The following MACROD2 variants were observed in gnomAD, a reference collection of about 807,000 sequenced individuals.
MACROD2 encodes mono-ADP ribosylhydrolase 2.
A neutral mutation model predicts 70.4 loss-of-function variants in MACROD2; 36 were observed. The ratio of observed to expected loss-of-function variants is 0.51; its 90% CI spans 0.39 to 0.68. The LOEUF (loss-of-function observed/expected upper bound fraction) is 0.68, where lower values mean the gene tolerates loss of function less well. MACROD2 is among the 30% of genes least tolerant of loss of function. The pLI is 0.00. For synonymous variants in MACROD2, 172 were observed against 178.8 expected (o/e 0.96, Z 0.30); for missense variants, 496 against 538.4 (o/e 0.92, Z 0.78).
chr20:14,840,250 C>G (rs571028735), intron 5 of MACROD2, among the ~76,000 whole-genome samples: 26 of 152,208 alleles, frequency 1.7e-4, no homozygotes, highest in South Asian at 8.3e-4. Context: ...GTTGGCCAGG[C>G]TGGTCTTGAG....
intron 8 of MACROD2, among the ~76,000 whole-genome samples, chr20:15,849,332 C>G (rs2064270542): frequency 6.6e-6 from 1 of 152,162 alleles, no homozygotes; most frequent in Non-Finnish European, 1.5e-5. Context: ...CTTTTGTCCT[C>G]ACAAAAATGC....
chr20:14,702,385 G>T (rs539998522), intron 5 of MACROD2, among the ~76,000 whole-genome samples: 1 of 151,268 alleles, frequency 6.6e-6, no homozygotes, highest in Non-Finnish European at 1.5e-5. Flanking sequence ...CTTAAGAGCA[G>T]AATGTAAATC....
At chr20:15,273,560 CT>C (rs1392921621) in intron 6 of MACROD2, among the ~76,000 whole-genome samples, 1 of 152,058 alleles carries the variant, frequency 6.6e-6, no homozygotes, top group African/African-American at 2.4e-5. Context: ...ATGAGTTTGG[CT>C]TTTTAAGAAA....
intron 9 of MACROD2, among the ~76,000 whole-genome samples, chr20:15,870,314 A>G (rs1034590760): frequency 2.0e-5 from 3 of 151,744 alleles, no homozygotes; most frequent in Non-Finnish European, 4.4e-5. Context: ...GTTTCTGGAG[A>G]ACAGAAATTA....
At chr20:14,633,022 G>T (rs1984596054) in intron 4 of MACROD2, among the ~76,000 whole-genome samples, 1 of 152,216 alleles carries the variant, frequency 6.6e-6, no homozygotes, top group Non-Finnish European at 1.5e-5. Context: ...CAGTGTCGCG[G>T]TGTGGAAGTC....
intron 5 of MACROD2, among the ~76,000 whole-genome samples, chr20:15,057,489 G>A (rs991770261): frequency 1.3e-5 from 2 of 152,178 alleles, no homozygotes; most frequent in African/African-American, 2.4e-5. Context: ...TGCATCTCAA[G>A]GGTTGGCCAA....
chr20:14,252,343 A>G (rs2082020199), intron 3 of MACROD2, among the ~76,000 whole-genome samples: 1 of 152,000 alleles, frequency 6.6e-6, no homozygotes, highest in Non-Finnish European at 1.5e-5. Flanking sequence ...GGGATCAGAA[A>G]AATTTTGGAG....
intron 6 of MACROD2, among the ~76,000 whole-genome samples, chr20:15,242,463 C>T (rs916604375): frequency 1.3e-5 from 2 of 152,088 alleles, no homozygotes; most frequent in Admixed American, 1.3e-4. Context: ...AGAATTTCTG[C>T]ATCTATATTC....
In MACROD2 at chr20:14,478,562, A is replaced by G. The variant is rs530044614; in HGVS notation, c.272-14917A>G. On this transcript the variant is annotated intron_variant, in intron 3 of 17. Coordinates refer to ENST00000684519, the MANE Select transcript of MACROD2 (RefSeq NM_001351661.2). ...TCTTATCTTATTTGGGGTTCACTTC[A>G]TGAATCTGTTGGTCTATCTCTTTCA... Among the ~76,000 whole-genome samples the G allele has an allele frequency of 2.0e-5, 3 of 152,220 alleles. No homozygotes were observed. The South Asian group carries it at 6.2e-4, about 32-fold the overall frequency.
chr20:14,085,763 T>C (rs1195614446), intron 3 of MACROD2, 35 bp downstream of exon 3: 6 of 1,237,994 alleles, frequency 4.8e-6, no homozygotes, highest in Non-Finnish European at 6.5e-6. Flanking sequence ...GTGTTTGTTA[T>C]GTAAGTATTA....
intron 12 of MACROD2, among the ~76,000 whole-genome samples, chr20:15,950,842 C>T (rs2065893644): frequency 6.6e-6 from 1 of 152,160 alleles, no homozygotes; most frequent in Non-Finnish European, 1.5e-5. Flanking sequence ...CTTCAGCATG[C>T]TAACATGAAT....
In MACROD2 at chr20:15,658,265, C is replaced by T. The variant is rs75712639; in HGVS notation, c.645+158418C>T. Among the ~76,000 whole-genome samples the T allele has an allele frequency of 8.5e-3, 1,245 of 147,310 alleles. 12 individuals carry two copies. Among genetic ancestry groups the T allele is most frequent in the Non-Finnish European group, 0.014 (919 of 67,548 alleles). On this transcript the variant is annotated intron_variant, in intron 8 of 17. Transcript: ENST00000684519. ...TAACTTGAATATCAAGCTCGCTATG[C>T]AATTTGACTTATGGAGTGCTGCGGG...
At chr20:14,939,811 T>C (rs1348905982) in intron 5 of MACROD2, among the ~76,000 whole-genome samples, 1 of 152,068 alleles carries the variant, frequency 6.6e-6, no homozygotes, top group Non-Finnish European at 1.5e-5. Flanking sequence ...TTTGTATAGA[T>C]CTTTCACTTC....
intron 3 of MACROD2, among the ~76,000 whole-genome samples, chr20:14,150,651 C>G (rs1414284953): frequency 6.6e-6 from 1 of 152,014 alleles, no homozygotes; most frequent in Non-Finnish European, 1.5e-5. Context: ...GAATTTTCTT[C>G]CTCCCTTCTG....
intron 8 of MACROD2, among the ~76,000 whole-genome samples, chr20:15,502,053 A>G (rs2047371506): frequency 1.3e-5 from 2 of 152,216 alleles, no homozygotes; most frequent in African/African-American, 2.4e-5. Context: ...ACTGAAAAAC[A>G]AAATCCTTGC....
intron 15 of MACROD2, among the ~76,000 whole-genome samples, chr20:16,006,586 A>T (rs2066791426): frequency 6.6e-6 from 1 of 152,186 alleles, no homozygotes; most frequent in Non-Finnish European, 1.5e-5. Flanking sequence ...AGACCAAATT[A>T]AACTCTATTT....
chr20:14,313,956 CA>C (rs956908820), intron 3 of MACROD2, among the ~76,000 whole-genome samples: 1 of 152,088 alleles, frequency 6.6e-6, no homozygotes, highest in African/African-American at 2.4e-5. Context: ...CACTTTTTCC[CA>C]ATAAAAGTGA....
chr20:15,382,179 A>G lies in MACROD2; in HGVS notation c.541-49226A>G, dbSNP rs186661199. On this transcript the variant is annotated intron_variant, in intron 6 of 17. Transcript: ENST00000684519. ...GCAGGAGGAGAAGTATAAATTGAGA[A>G]AAAAAGATTAAAAACAGCACTTCTC... 6.1e-4 allele frequency among the ~76,000 whole-genome samples: 93 copies of G among 152,276 alleles called. No individual in the cohort carries two copies. The Middle Eastern group carries it at 0.01, about 17-fold the overall frequency.
intron 4 of MACROD2, among the ~76,000 whole-genome samples, chr20:14,500,339 A>G (rs1223221649): frequency 6.6e-6 from 1 of 152,164 alleles, no homozygotes; most frequent in Non-Finnish European, 1.5e-5. Flanking sequence ...GGTCATCGCC[A>G]GTGCGAGCTC....
Sources: gnomAD v4.1 joint callset for allele counts (sites outside exome capture counted in the v4.1 genomes callset) on GRCh38, gnomAD v4.1.1 for gene constraint, MANE v1.5 for transcripts, NCBI Gene and HGNC (gene_info 2026-07-23, HGNC 2026-07-21) for gene names.